The following PTPRT variants were observed in gnomAD, a reference collection of about 807,000 sequenced individuals.
PTPRT encodes the protein protein tyrosine phosphatase receptor type T, also known as receptor-type tyrosine-protein phosphatase T.
PTPRT carries 56 observed loss-of-function variants against 176.8 expected under a neutral mutation model. The ratio of observed to expected loss-of-function variants is 0.32; its 90% CI spans 0.26 to 0.40. The LOEUF (loss-of-function observed/expected upper bound fraction) is 0.40, where lower values mean the gene tolerates loss of function less well. Ranked by LOEUF, PTPRT falls within the 10% of genes least tolerant of loss-of-function variation. The probability of loss-of-function intolerance (pLI) is 1.00; values close to 1 mark genes in which losing one functional copy is unlikely to be tolerated. For synonymous variants in PTPRT, 783 were observed against 739.0 expected (o/e 1.06, Z -0.96); for missense variants, 1,540 against 1,908.2 (o/e 0.81, Z 3.60).
At chr20:42,593,817 T>C (rs1250448459) in intron 7 of PTPRT, among the ~76,000 whole-genome samples, 1 of 152,222 alleles carries the variant, frequency 6.6e-6, no homozygotes, top group Non-Finnish European at 1.5e-5. Flanking sequence ...CCACTTTGCA[T>C]TTTTTAAACC....
chr20:42,321,036 T>C (rs2057792548), intron 11 of PTPRT, among the ~76,000 whole-genome samples: 1 of 152,214 alleles, frequency 6.6e-6, no homozygotes, highest in Non-Finnish European at 1.5e-5. Context: ...ACAGGGCAGC[T>C]TTGGACAATG....
At chr20:43,159,060 T>C (rs6124532) in intron 1 of PTPRT, among the ~76,000 whole-genome samples, 7,518 of 152,150 alleles carry the variant, frequency 0.049, 414 homozygotes, top group East Asian at 0.3. Flanking sequence ...GGGCACTGGT[T>C]AAGGAGAGGC....
chr20:42,177,084 A>G (rs1227202968), intron 16 of PTPRT, among the ~76,000 whole-genome samples: 1 of 152,216 alleles, frequency 6.6e-6, no homozygotes, highest in Non-Finnish European at 1.5e-5. Context: ...TGTGGACCTT[A>G]ATTTTAAAAC....
chr20:42,672,122 C>G (rs2075423332), intron 7 of PTPRT, among the ~76,000 whole-genome samples: 1 of 152,204 alleles, frequency 6.6e-6, no homozygotes, highest in African/African-American at 2.4e-5. Flanking sequence ...GGATGCAAAG[C>G]ATTGTTCCTG....
chr20:43,082,750 T>C (rs183341630), intron 1 of PTPRT, among the ~76,000 whole-genome samples: 6 of 152,204 alleles, frequency 3.9e-5, no homozygotes, highest in African/African-American at 1.4e-4. Context: ...AACATAGAAA[T>C]TGACCCCCCC....
intron 1 of PTPRT, among the ~76,000 whole-genome samples, chr20:42,999,849 C>T (rs1984451964): frequency 6.6e-6 from 1 of 151,804 alleles, no homozygotes; most frequent in Non-Finnish European, 1.5e-5. Flanking sequence ...TCATAGAAGT[C>T]ATATATGTTT....
At chr20:42,722,983 C>T (rs530405610) in intron 6 of PTPRT, among the ~76,000 whole-genome samples, 4 of 152,274 alleles carry the variant, frequency 2.6e-5, no homozygotes, top group Non-Finnish European at 5.9e-5. Context: ...GACTTGAGTA[C>T]AAATCCTGCT....
At chr20:42,048,260 C>T in the PTPRT span, among the ~76,000 whole-genome samples, 1 of 152,214 alleles carries the variant, frequency 6.6e-6, no homozygotes, top group African/African-American at 2.4e-5. Flanking sequence ...GTCCCAGATG[C>T]AGGCTCAGAA....
At chr20:42,596,451 C>T (rs2073672383) in intron 7 of PTPRT, among the ~76,000 whole-genome samples, 2 of 152,186 alleles carry the variant, frequency 1.3e-5, no homozygotes, top group South Asian at 2.1e-4. Context: ...AATACCACGG[C>T]GGTCTTTGTA....
intron 6 of PTPRT, among the ~76,000 whole-genome samples, chr20:42,719,230 G>A (rs962315634): frequency 5.3e-5 from 8 of 152,124 alleles, no homozygotes; most frequent in African/African-American, 1.9e-4. Flanking sequence ...ATGGGTGTGG[G>A]AGTCATCAGC....
At chr20:42,774,871 G>T (rs1195194464) in intron 4 of PTPRT, among the ~76,000 whole-genome samples, 4 of 152,088 alleles carry the variant, frequency 2.6e-5, no homozygotes, top group East Asian at 1.9e-4. Flanking sequence ...GTGCTTATGT[G>T]GGGGGCCTGT....
intron 8 of PTPRT, among the ~76,000 whole-genome samples, chr20:42,451,133 G>A (rs77417337): frequency 0.017 from 2,657 of 152,212 alleles, 43 homozygotes; most frequent in Non-Finnish European, 0.03. Flanking sequence ...GAATTGTAAC[G>A]TGGACTGGAA....
chr20:42,531,753 A>G (rs954444501), intron 7 of PTPRT, among the ~76,000 whole-genome samples: 2 of 152,230 alleles, frequency 1.3e-5, no homozygotes, highest in African/African-American at 2.4e-5. Context: ...ACTACTTTGG[A>G]TAGATGTTGG....
intron 1 of PTPRT, among the ~76,000 whole-genome samples, chr20:43,068,246 T>C (rs1242481636): frequency 6.7e-6 from 1 of 149,416 alleles, no homozygotes; most frequent in Non-Finnish European, 1.5e-5. Context: ...GGCTCATGCC[T>C]GTAATCCCAG....
chr20:42,365,482 C>T (rs960475036), intron 9 of PTPRT, among the ~76,000 whole-genome samples: 6 of 151,996 alleles, frequency 3.9e-5, no homozygotes, highest in Non-Finnish European at 7.4e-5. Flanking sequence ...CACCCTACCC[C>T]CACCACTACC....
At chr20:43,031,910 C>T (rs1181126593) in intron 1 of PTPRT, among the ~76,000 whole-genome samples, 1 of 152,144 alleles carries the variant, frequency 6.6e-6, no homozygotes, top group Non-Finnish European at 1.5e-5. Context: ...ACTGTACTCC[C>T]CAACCACAAA....
intron 15 of PTPRT, among the ~76,000 whole-genome samples, chr20:42,217,220 A>G (rs1385995484): frequency 1.3e-5 from 2 of 152,000 alleles, no homozygotes; most frequent in African/African-American, 4.8e-5. Context: ...CTAAAATACA[A>G]AAATTAGCCC....
At chr20:43,112,037 C>T (rs770645482) in intron 1 of PTPRT, among the ~76,000 whole-genome samples, 1 of 152,216 alleles carries the variant, frequency 6.6e-6, no homozygotes, top group Non-Finnish European at 1.5e-5. Context: ...GGAGAATTCT[C>T]CAATCCACTT....
intron 1 of PTPRT, among the ~76,000 whole-genome samples, chr20:42,953,869 T>C (rs1475919655): frequency 6.6e-6 from 1 of 152,224 alleles, no homozygotes; most frequent in African/African-American, 2.4e-5. Context: ...GCAGCATCTC[T>C]TTCCTCTGGA....
Sources: gnomAD v4.1 joint callset for allele counts (sites outside exome capture counted in the v4.1 genomes callset) on GRCh38, gnomAD v4.1.1 for gene constraint, MANE v1.5 for transcripts, NCBI Gene and HGNC (gene_info 2026-07-23, HGNC 2026-07-21) for gene names.